The following RIMBP2 variants were observed in gnomAD, a reference collection of about 807,000 sequenced individuals.
RIMBP2 encodes RIMS binding protein 2.
A neutral mutation model predicts 118.6 loss-of-function variants in RIMBP2; 48 were observed. The ratio of observed to expected loss-of-function variants is 0.40; its 90% CI spans 0.32 to 0.51. The LOEUF is 0.51. RIMBP2 is among the 20% of genes least tolerant of loss of function. The probability of loss-of-function intolerance (pLI) is 0.41; values close to 1 mark genes in which losing one functional copy is unlikely to be tolerated. For synonymous variants in RIMBP2, 762 were observed against 742.9 expected (o/e 1.03, Z -0.42); for missense variants, 1,551 against 1,768.3 (o/e 0.88, Z 2.20).
intron 11 of RIMBP2, among the ~76,000 whole-genome samples, chr12:130,441,411 A>AATCATAATAATC (rs377315863): frequency 1.5e-4 from 17 of 114,176 alleles, no homozygotes; most frequent in Admixed American, 8.1e-4. Flanking sequence ...AAATAATAAT[A>AATCATAATAATC]ATAATAATAA....
chr12:130,464,304 T>C (rs368200485), intron 6 of RIMBP2, among the ~76,000 whole-genome samples: 1 of 152,246 alleles, frequency 6.6e-6, no homozygotes, highest in African/African-American at 2.4e-5. Context: ...TGCTTTCCGG[T>C]AACATTAGGA....
rs200157514 is a variant in RIMBP2, at chr12:130,456,602, C to A, written c.252G>T (p.Lys84Asn). The A allele has an allele frequency of 9.9e-6, 16 of 1,613,812 alleles. No individual in the cohort carries two copies. The Admixed American group carries it at 2.3e-4, about 24-fold the overall frequency. ...DLEKFRQHAGKIDLLGGSAVA... is the reference protein window; with the variant it reads ...DLEKFRQHAGNIDLLGGSAVA... The stretch of plus-strand genomic sequence containing the variant: ...CCGCGCTGCCACCCAGCAGGTCAAT[C>A]TTGCCAGCGTGCTGCCGGAACTTCT... Residue 84 changes from lysine (K) to asparagine (N), a missense_variant, in exon 7 of 23, where the codon AAG becomes AAT. Lys to Asn is a moderately conservative substitution (Grantham distance 94). This residue lies in a region of RIMBP2 where 239 missense variants were observed against 256.8 expected (regional missense o/e 0.93). Coordinates refer to ENST00000690449, the MANE Select transcript of RIMBP2 (RefSeq NM_001393629.1).
chr12:130,689,000 C>T lies in RIMBP2; in HGVS notation c.-352+27222G>A, dbSNP rs900586479. On this transcript the variant is annotated intron_variant, in intron 1 of 22. Coordinates refer to ENST00000690449, the MANE Select transcript of RIMBP2 (RefSeq NM_001393629.1). This position sits in a 1 kb window ranked among gnomAD's most constrained non-coding sequence, Gnocchi z 4.7. ...GTCCCTTTTCATTTCTGAAAAGCGCCGGTTACAGCCCACAAAATTGATTTC... is the reference window on the plus strand; with the variant it reads ...GTCCCTTTTCATTTCTGAAAAGCGCTGGTTACAGCCCACAAAATTGATTTC... Among the ~76,000 whole-genome samples the T allele has an allele frequency of 6.6e-6, 1 of 152,226 alleles. No individual in the cohort carries two copies. The highest frequency in any genetic ancestry group is 1.5e-5 in the Non-Finnish European group (1 of 68,040).
chr12:130,581,908 G>T lies in RIMBP2; in HGVS notation c.-217+46414C>A, dbSNP rs1038758894. 1.3e-5 allele frequency among the ~76,000 whole-genome samples: 2 copies of T among 152,030 alleles called. No homozygotes were observed. The highest frequency in any genetic ancestry group is 4.8e-5 in the African/African-American group (2 of 41,372). ...CAGAGTTAAACCAAAGGCCCGAAAG[G>T]CTCTGCATGACCTGGCCTCTCCTCC... On this transcript the variant is annotated intron_variant, in intron 2 of 22. Transcript: ENST00000690449. This position sits in a 1 kb window ranked among gnomAD's most constrained non-coding sequence, Gnocchi z 4.4.
chr12:130,411,523 C>T (rs529160086), intron 19 of RIMBP2, among the ~76,000 whole-genome samples: 18 of 150,732 alleles, frequency 1.2e-4, no homozygotes, highest in African/African-American at 4.4e-4. Flanking sequence ...GGCTAGGTTC[C>T]CTTGGCCATC....
At chr12:130,684,072 GC>G (rs141787996) in intron 1 of RIMBP2, among the ~76,000 whole-genome samples, 6,354 of 152,226 alleles carry the variant, frequency 0.042, 288 homozygotes, top group East Asian at 0.24. Flanking sequence ...TCTCTCTGAA[GC>G]CTGCTGTCTG....
At chr12:130,537,397 G>A (rs2054173038) in intron 2 of RIMBP2, among the ~76,000 whole-genome samples, 1 of 152,234 alleles carries the variant, frequency 6.6e-6, no homozygotes, top group African/African-American at 2.4e-5. Context: ...GTCTGGGAAA[G>A]AAGATAGCTC....
chr12:130,498,331 C>T (rs143809984), intron 4 of RIMBP2, among the ~76,000 whole-genome samples: 136 of 152,366 alleles, frequency 8.9e-4, no homozygotes, highest in African/African-American at 3.0e-3. Context: ...CGTGCACTTG[C>T]TCCGTTACTA....
At chr12:130,516,775 G>A (rs2051508914) in intron 3 of RIMBP2, among the ~76,000 whole-genome samples, 1 of 152,178 alleles carries the variant, frequency 6.6e-6, no homozygotes, top group Non-Finnish European at 1.5e-5. Context: ...ACAGGGAGAA[G>A]CCTCAGTTTT....
intron 7 of RIMBP2, among the ~76,000 whole-genome samples, chr12:130,454,547 C>A (rs777751143): frequency 1.3e-4 from 20 of 152,196 alleles, no homozygotes; most frequent in Non-Finnish European, 2.6e-4. Context: ...CCAGGCGACC[C>A]CTGGTGGGTG....
intron 1 of RIMBP2, among the ~76,000 whole-genome samples, chr12:130,691,089 C>A (rs1469606211): frequency 6.6e-6 from 1 of 152,204 alleles, no homozygotes; most frequent in Admixed American, 6.5e-5. Flanking sequence ...GAGCTGCCAG[C>A]CCCGACTCAA....
Position 130,623,937 on chromosome 12 carries a change from T to C in RIMBP2, c.-217+4385A>G, listed in dbSNP as rs1395048687. Among the ~76,000 whole-genome samples the C allele has an allele frequency of 2.0e-5, 3 of 152,164 alleles. No individual in the cohort carries two copies. The highest frequency in any genetic ancestry group is 7.2e-5 in the African/African-American group (3 of 41,454). ...CAACTGGCTGGATAACACACACCCA[T>C]TACTGACTTCCTGCCCTGCCCTGTC... On this transcript the variant is annotated intron_variant, in intron 2 of 22. Coordinates refer to ENST00000690449, the MANE Select transcript of RIMBP2 (RefSeq NM_001393629.1). This position sits in a 1 kb window ranked among gnomAD's most constrained non-coding sequence, Gnocchi z 4.1.
chr12:130,659,399 A>G (rs554172127), intron 1 of RIMBP2, among the ~76,000 whole-genome samples: 5 of 151,806 alleles, frequency 3.3e-5, no homozygotes, highest in East Asian at 2.0e-4. Flanking sequence ...GTGAAACCCC[A>G]TCTCTACTAA....
In RIMBP2 at chr12:130,566,715, C is replaced by T. The variant is rs527832012; in HGVS notation, c.-216-48798G>A. 1.4e-4 allele frequency among the ~76,000 whole-genome samples: 21 copies of T among 152,326 alleles called. No homozygotes were observed. The South Asian group carries it at 3.7e-3, about 27-fold the overall frequency. On this transcript the variant is annotated intron_variant, in intron 2 of 22. Coordinates refer to ENST00000690449, the MANE Select transcript of RIMBP2 (RefSeq NM_001393629.1). ...CATCTCGTGAGAAGCTGAAGCCAGACCAGGCAGCCAGGCTGCTTCTAGGAT... is the reference window on the plus strand; with the variant it reads ...CATCTCGTGAGAAGCTGAAGCCAGATCAGGCAGCCAGGCTGCTTCTAGGAT...
Position 130,400,717 on chromosome 12 carries a change from G to T in RIMBP2, c.3766-904C>A, listed in dbSNP as rs1286035079. The stretch of plus-strand genomic sequence containing the variant: ...ACCTGTGGAATGGGAGAAAATGTCT[G>T]CAAGTCATCTATCTGCTAAGGGGTT... On this transcript the variant is annotated intron_variant, in intron 21 of 22. Transcript: ENST00000690449. Among the ~76,000 whole-genome samples the T allele has an allele frequency of 2.0e-5, 3 of 152,176 alleles. No homozygotes were observed. The South Asian group carries it at 6.2e-4, about 32-fold the overall frequency.
chr12:130,678,052 C>G (rs2064583598), intron 1 of RIMBP2, among the ~76,000 whole-genome samples: 3 of 152,330 alleles, frequency 2.0e-5, no homozygotes, highest in South Asian at 4.1e-4. Context: ...AAGGACTGTT[C>G]TGGATTGCCT....
rs1594133114 is a variant in RIMBP2 at position 130,645,432 on chromosome 12, C to T, written c.-351-16976G>A. 2.0e-5 allele frequency among the ~76,000 whole-genome samples: 3 copies of T among 152,282 alleles called. No homozygotes were observed. In the East Asian group the frequency reaches 5.8e-4, roughly 29 times the overall value. On this transcript the variant is annotated intron_variant, in intron 1 of 22. Transcript: ENST00000690449. ...GACATTGGAGTTACTCCCTCCAGGCCCCTGAAGTTCACTGCTCTTCCCCAG... is the reference window on the plus strand; with the variant it reads ...GACATTGGAGTTACTCCCTCCAGGCTCCTGAAGTTCACTGCTCTTCCCCAG...
Position 130,446,019 on chromosome 12 carries a change from T to TCCCCCCCCCC in RIMBP2, c.582-760_582-751dup, listed in dbSNP as rs11287921. On this transcript the variant is annotated intron_variant, in intron 9 of 22. Coordinates refer to ENST00000690449, the MANE Select transcript of RIMBP2 (RefSeq NM_001393629.1). This position sits in a 1 kb window ranked among gnomAD's most constrained non-coding sequence, Gnocchi z 4.1. ...GAAAAACAGACGCATGATTTTATGC[T>TCCCCCCCCCC]CCCCCCCCCCACACCCCCAGGAATA... is the stretch of plus-strand genomic sequence containing the variant. Among the ~76,000 whole-genome samples, 1 of 112,778 alleles carries TCCCCCCCCCC rather than the reference T, an allele frequency of 8.9e-6. No homozygotes were observed. The allele number at this position is 112,778 out of a possible 152,430, so 74.0% of individuals were successfully genotyped here.
At chr12:130,712,019 G>A (rs963591519) in intron 1 of RIMBP2, among the ~76,000 whole-genome samples, 5 of 152,216 alleles carry the variant, frequency 3.3e-5, no homozygotes, top group Admixed American at 2.0e-4. Context: ...GAGAGGCAGC[G>A]GAAGTAAGAT....
Sources: gnomAD v4.1 joint callset for allele counts (sites outside exome capture counted in the v4.1 genomes callset) on GRCh38, gnomAD v4.1.1 for gene constraint, gnomAD v4.1.1 regional missense constraint, Gnocchi (gnomAD v3.1) non-coding constraint, MANE v1.5 for transcripts, NCBI Gene and HGNC (gene_info 2026-07-23, HGNC 2026-07-21) for gene names.